Variants in SHROOM3 observed in about 807,000 individuals in gnomAD.
The protein encoded by SHROOM3 is shroom family member 3.
Under a neutral mutation model 138.6 loss-of-function variants are expected in SHROOM3, and 47 were observed. That is an observed-to-expected ratio of 0.34 (90% CI 0.27 to 0.43). SHROOM3 has a LOEUF of 0.43. SHROOM3 is among the 20% of genes least tolerant of loss of function. SHROOM3 has a pLI of 1.00. For synonymous variants in SHROOM3, 1,062 were observed against 1,063.3 expected (o/e 1.00, Z 0.02); for missense variants, 2,491 against 2,596.5 (o/e 0.96, Z 0.88).
At position 76,739,541 on chromosome 4, in the gene SHROOM3, C is replaced by A; in HGVS notation, c.1368C>A (p.Ala456=). 6.2e-7 allele frequency: 1 copy of A among 1,614,170 alleles called. No individual in the cohort carries two copies. Among genetic ancestry groups the A allele is most frequent in the South Asian group, 1.1e-5 (1 of 91,088 alleles). Residue 456 remains alanine (A), a synonymous_variant, in exon 5 of 11, where the codon GCC becomes GCA. Transcript: ENST00000296043. The part of the protein sequence containing the change: ...VKPKHNYTQK[A]QPGQPLLPTS... ...CCAAGCATAACTATACCCAGAAGGC[C>A]CAACCTGGCCAACCTCTGCTGCCGA...
intron 2 of SHROOM3, among the ~76,000 whole-genome samples, chr4:76,656,638 G>A (rs369114177): frequency 2.0e-5 from 3 of 152,274 alleles, no homozygotes; most frequent in African/African-American, 7.2e-5. Context: ...TGCATTTATT[G>A]TAGTATCTCC....
chr4:76,476,331 A>G (rs1731484650), intron 1 of SHROOM3, among the ~76,000 whole-genome samples: 1 of 152,212 alleles, frequency 6.6e-6, no homozygotes, highest in Admixed American at 6.5e-5. Context: ...TCTCAAAGCC[A>G]TTTGTGTTAA....
intron 1 of SHROOM3, among the ~76,000 whole-genome samples, chr4:76,503,440 A>ATG (rs780833682): frequency 2.0e-5 from 3 of 151,950 alleles, no homozygotes; most frequent in Non-Finnish European, 4.4e-5. Context: ...ATATATATAT[A>ATG]TTTTTTGAGA....
In SHROOM3 at chr4:76,739,606, C is replaced by T. The variant is rs1721182874; in HGVS notation, c.1433C>T (p.Ala478Val). ...YPVPSLEPHF[A>V]QVPQPSVSSN... ...GTACCTTCCCTGGAGCCACACTTTG[C>T]CCAGGTGCCTCAGCCTTCTGTGAGT... The change falls in exon 5 of 11, where the codon GCC (alanine) becomes GTC (valine). Residue 478 changes from alanine to valine, a missense_variant. Ala to Val is a moderately conservative substitution (Grantham distance 64, BLOSUM62 0). Transcript: ENST00000296043. 2 of 1,614,180 alleles carry T rather than the reference C, an allele frequency of 1.2e-6. No individual in the cohort carries two copies. The highest frequency in any genetic ancestry group is 8.5e-7 in the Non-Finnish European group (1 of 1,180,028).
chr4:76,678,566 C>T (rs187577163), intron 2 of SHROOM3, among the ~76,000 whole-genome samples: 12 of 152,202 alleles, frequency 7.9e-5, no homozygotes, highest in Admixed American at 4.6e-4. Context: ...CTGAGTCAGT[C>T]GGATGGGTGT....
chr4:76,612,543 T>A (rs1734785089), intron 2 of SHROOM3, among the ~76,000 whole-genome samples: 1 of 152,202 alleles, frequency 6.6e-6, no homozygotes, highest in Non-Finnish European at 1.5e-5. Flanking sequence ...GGTCTTCATA[T>A]AAAATATCAG....
At chr4:76,490,890 C>CA (rs34533854) in intron 1 of SHROOM3, among the ~76,000 whole-genome samples, 66,248 of 152,012 alleles carry the variant, frequency 0.44, 15,345 homozygotes, top group Non-Finnish European at 0.52. Context: ...GTCACTAGCC[C>CA]ATATTACACA....
chr4:76,665,054 G>A (rs2110094948), intron 2 of SHROOM3, among the ~76,000 whole-genome samples: 1 of 152,204 alleles, frequency 6.6e-6, no homozygotes, highest in African/African-American at 2.4e-5. Flanking sequence ...TGACTTGGAG[G>A]GAAGGATTCC....
chr4:76,740,610 A>G lies in SHROOM3; in HGVS notation c.2437A>G (p.Arg813Gly). 1 of 1,614,194 alleles carries G rather than the reference A, an allele frequency of 6.2e-7. No homozygotes were observed. The highest frequency in any genetic ancestry group is 8.5e-7 in the Non-Finnish European group (1 of 1,180,022). The stretch of plus-strand genomic sequence containing the variant: ...TTTTGGCCATAACTATAGGCCCCAC[A>G]GGACCGTCTCAACTTCCAGTACTTC... ...SGFGHNYRPH[R>G]TVSTSSTSGN... The change falls in exon 5 of 11, where the codon AGG (arginine) becomes GGG (glycine). Residue 813 changes from arginine (R) to glycine (G), a missense_variant. Around this residue, in one of 4 missense-constraint regions of SHROOM3, gnomAD observed 1,733 missense variants for 1,661.6 expected, o/e 1.04. Transcript: ENST00000296043. This position sits in a 1 kb window ranked among gnomAD's most constrained non-coding sequence, Gnocchi z 4.0.
intron 8 of SHROOM3, chr4:76,758,071 A>G (rs1040309755): frequency 9.2e-5 from 14 of 152,354 alleles, no homozygotes; most frequent in African/African-American, 3.4e-4. Context: ...ACATTGTCAG[A>G]GGCTCTTCTG....
chr4:76,632,893 T>C (rs1040242097), intron 2 of SHROOM3, among the ~76,000 whole-genome samples: 8 of 152,192 alleles, frequency 5.3e-5, no homozygotes, highest in African/African-American at 1.7e-4. Flanking sequence ...CCTGCAGCTC[T>C]ACCCCTCAAA....
intron 1 of SHROOM3, among the ~76,000 whole-genome samples, chr4:76,502,384 G>A (rs762267098): frequency 6.6e-6 from 1 of 152,168 alleles, no homozygotes; most frequent in African/African-American, 2.4e-5. Context: ...ATGGATAGCT[G>A]GTCATTCAGA....
At chr4:76,691,411 A>G (rs1719534249) in intron 2 of SHROOM3, among the ~76,000 whole-genome samples, 1 of 152,160 alleles carries the variant, frequency 6.6e-6, no homozygotes, top group Admixed American at 6.5e-5. Flanking sequence ...GTGACCTGGG[A>G]CCAAAGCAAA....
chr4:76,626,602 C>T (rs1207830855), intron 2 of SHROOM3, among the ~76,000 whole-genome samples: 7 of 152,174 alleles, frequency 4.6e-5, no homozygotes, highest in Admixed American at 4.6e-4. Context: ...GAAGTAGCTG[C>T]CATTTATTCA....
At chr4:76,553,570 G>A (rs943311353) in intron 1 of SHROOM3, among the ~76,000 whole-genome samples, 5 of 151,504 alleles carry the variant, frequency 3.3e-5, no homozygotes, top group African/African-American at 7.3e-5. Context: ...GACACCGCAC[G>A]AGGCCCACCT....
chr4:76,545,397 G>A (rs1326140649), intron 1 of SHROOM3, among the ~76,000 whole-genome samples: 1 of 152,098 alleles, frequency 6.6e-6, no homozygotes, highest in African/African-American at 2.4e-5. Flanking sequence ...TTGATTTTCC[G>A]GTGCTGCAGC....
At chr4:76,771,140 G>A (rs1028049267) in intron 10 of SHROOM3, among the ~76,000 whole-genome samples, 3 of 152,096 alleles carry the variant, frequency 2.0e-5, no homozygotes, top group African/African-American at 2.4e-5. Context: ...CAAGGCAGGC[G>A]GATCACCTGA....
chr4:76,568,158 C>T (rs1733767367), intron 2 of SHROOM3, among the ~76,000 whole-genome samples: 1 of 152,148 alleles, frequency 6.6e-6, no homozygotes, highest in Admixed American at 6.6e-5. Context: ...TCCTGGCACA[C>T]AAATGTGCTC....
At chr4:76,760,768 C>A (rs1560619172) in intron 9 of SHROOM3, among the ~76,000 whole-genome samples, 1 of 152,172 alleles carries the variant, frequency 6.6e-6, no homozygotes, top group Non-Finnish European at 1.5e-5. Context: ...GATATATATA[C>A]CTACCCCAGC....
Sources: allele counts gnomAD v4.1 joint callset (sites outside exome capture counted in the v4.1 genomes callset), GRCh38; gene constraint gnomAD v4.1.1; regional missense constraint gnomAD v4.1.1; non-coding constraint Gnocchi (gnomAD v3.1); transcripts MANE v1.5; gene names NCBI Gene and HGNC (gene_info 2026-07-23, HGNC 2026-07-21).